Variants in IDO2 observed in about 807,000 individuals in gnomAD.
The protein encoded by IDO2 is indoleamine 2,3-dioxygenase-like 1 protein.
IDO2 carries 46 observed loss-of-function variants against 45.1 expected under a neutral mutation model. That is an observed-to-expected ratio of 1.02 (90% CI 0.80 to 1.30). The LOEUF (loss-of-function observed/expected upper bound fraction) is 1.30, where lower values mean the gene tolerates loss of function less well. Ranked by LOEUF, IDO2 falls within the 50% of genes most tolerant of loss-of-function variation. The probability of loss-of-function intolerance (pLI) is 0.00; values close to 1 mark genes in which losing one functional copy is unlikely to be tolerated. For missense variants in IDO2, 544 were observed against 491.8 expected (o/e 1.11, Z -1.00); for synonymous variants, 218 against 184.9 (o/e 1.18, Z -1.45).
chr8:39,967,023 C>A (rs550920484), intron 3 of IDO2, among the ~76,000 whole-genome samples: 3 of 152,120 alleles, frequency 2.0e-5, no homozygotes, highest in East Asian at 3.9e-4. Flanking sequence ...AATAAAAAAC[C>A]ACACACATCC....
intron 8 of IDO2, among the ~76,000 whole-genome samples, chr8:39,996,266 G>A (rs766916106): frequency 5.3e-5 from 8 of 152,154 alleles, no homozygotes; most frequent in Non-Finnish European, 1.2e-4. Context: ...CAGCGGTCAC[G>A]CTCCTAGTCC....
intron 1 of IDO2, among the ~76,000 whole-genome samples, chr8:39,939,573 G>GGAAA (rs1350834900): frequency 9.4e-6 from 1 of 106,826 alleles, no homozygotes; most frequent in African/African-American, 3.7e-5. Flanking sequence ...AAAAAAAAAA[G>GGAAA]GAAAGAAAGA....
intron 6 of IDO2, chr8:39,985,834 T>C (rs1413623035): frequency 3.8e-6 from 1 of 260,236 alleles, no homozygotes; most frequent in East Asian, 9.2e-5. Context: ...CTCCTTGAAG[T>C]TTAATTTTTT....
intron 9 of IDO2, among the ~76,000 whole-genome samples, chr8:40,011,981 C>G (rs1241072261): frequency 3.3e-5 from 5 of 152,162 alleles, no homozygotes; most frequent in Admixed American, 3.3e-4. Context: ...GATGTTGCCC[C>G]AATTGCGGAG....
At chr8:39,961,239 C>T (rs1034553584) in intron 2 of IDO2, among the ~76,000 whole-genome samples, 2 of 151,992 alleles carry the variant, frequency 1.3e-5, no homozygotes, top group African/African-American at 2.4e-5. Flanking sequence ...TTCATATTCC[C>T]TCACATGGCT....
chr8:39,971,669 A>G (rs937413320), intron 3 of IDO2, among the ~76,000 whole-genome samples: 25 of 152,220 alleles, frequency 1.6e-4, no homozygotes, highest in African/African-American at 5.5e-4. Flanking sequence ...CAAGAAGTCA[A>G]CCCTCATGGA....
intron 8 of IDO2, among the ~76,000 whole-genome samples, chr8:39,994,556 CTGAT>C (rs1802001530): frequency 6.6e-6 from 1 of 152,122 alleles, no homozygotes; most frequent in South Asian, 2.1e-4. Flanking sequence ...CGCGCCTGGA[CTGAT>C]TATTTTTTAA....
In IDO2 at chr8:39,949,241, G is replaced by C. The variant is rs369022230; in HGVS notation, c.76G>C (p.Gly26Arg). 7.7e-5 allele frequency: 123 copies of C among 1,597,882 alleles called. No homozygotes were observed. Among genetic ancestry groups the C allele is most frequent in the Non-Finnish European group, 9.6e-5 (112 of 1,171,292 alleles). The change falls in exon 2 of 11, where the codon GGC becomes CGC. Residue 26 changes from glycine to arginine, a missense_variant. Transcript: ENST00000502986. Reference sequence around the variant, plus strand: ...AAGCTATCACATATCTGAAGAGTATGGCTTTCTTCTTCCAGATTCTCTGGT... The same window carrying C: ...AAGCTATCACATATCTGAAGAGTATCGCTTTCTTCTTCCAGATTCTCTGGT...
intron 3 of IDO2, among the ~76,000 whole-genome samples, chr8:39,978,272 CG>C (rs1808291981): frequency 6.6e-6 from 1 of 152,126 alleles, no homozygotes; most frequent in Non-Finnish European, 1.5e-5. Context: ...TCTGGCGCTT[CG>C]GACCCGGGAG....
intron 8 of IDO2, among the ~76,000 whole-genome samples, chr8:40,001,181 T>C (rs1297923538): frequency 6.6e-6 from 1 of 151,354 alleles, no homozygotes; most frequent in African/African-American, 2.4e-5. Flanking sequence ...TCTCTCTCTC[T>C]CTCTCTGTGT....
chr8:40,003,832 A>G (rs1305649123), intron 8 of IDO2, among the ~76,000 whole-genome samples: 1 of 152,130 alleles, frequency 6.6e-6, no homozygotes, highest in African/African-American at 2.4e-5. Context: ...TGCTTTTACT[A>G]TTTCACTGTT....
chr8:39,967,089 A>G (rs1043004965), intron 3 of IDO2, among the ~76,000 whole-genome samples: 1 of 152,206 alleles, frequency 6.6e-6, no homozygotes, highest in Non-Finnish European at 1.5e-5. Context: ...TGCAAAAAAT[A>G]TATATAGTGA....
rs1033647769 is a variant in IDO2 at position 39,982,585 on chromosome 8, A to G, written c.316-67A>G. The G allele has an allele frequency of 4.6e-6, 5 of 1,077,806 alleles. No homozygotes were observed. The Admixed American group carries it at 9.6e-5, about 21-fold the overall frequency. The allele number at this position is 1,077,806 out of a possible 1,614,324, so 66.8% of individuals were successfully genotyped here. A position where few individuals can be genotyped will look rare whatever the true frequency, so the allele number is the denominator to read the frequency against. ...CACAGGATTGCCGAAATAAAAGACAACCATGGTTATTTCCTCTGCTGCAAG... is the reference window on the plus strand; with the variant it reads ...CACAGGATTGCCGAAATAAAAGACAGCCATGGTTATTTCCTCTGCTGCAAG... On this transcript the variant is annotated intron_variant, in intron 4 of 10. Transcript: ENST00000502986.
chr8:39,979,219 C>A (rs542026441), intron 4 of IDO2, 33 bp downstream of exon 4: 2 of 1,555,898 alleles, frequency 1.3e-6, no homozygotes, highest in Admixed American at 1.9e-5. Context: ...TCCTGTTACC[C>A]GGCAGGTTAC....
intron 7 of IDO2, 110 bp downstream of exon 7, chr8:39,988,080 G>C: frequency 1.6e-6 from 1 of 632,900 alleles, no homozygotes; most frequent in Non-Finnish European, 2.8e-6. Flanking sequence ...CATAGACCTT[G>C]TCCTGCTTAG....
chr8:39,942,856 T>C (rs1221566286), intron 1 of IDO2, among the ~76,000 whole-genome samples: 2 of 152,168 alleles, frequency 1.3e-5, no homozygotes, highest in Non-Finnish European at 2.9e-5. Context: ...TGTATAATAT[T>C]ACAGGAAATT....
At chr8:39,956,141 T>G (rs1354402540) in intron 2 of IDO2, among the ~76,000 whole-genome samples, 1 of 150,646 alleles carries the variant, frequency 6.6e-6, no homozygotes, top group Non-Finnish European at 1.5e-5. Flanking sequence ...CTCACTGCAA[T>G]CTCCACCTCC....
At position 39,998,807 on chromosome 8, in the gene IDO2, A is replaced by C. The variant is rs564884368; in HGVS notation, c.668-6520A>C. ...AGGTGCACACCACCACACCCCACTA[A>C]TTTTTTTGTATTTTTAGTAGAGACG... On this transcript the variant is annotated intron_variant, in intron 8 of 10. Coordinates refer to ENST00000502986, the Ensembl canonical transcript of IDO2. 1.9e-4 allele frequency among the ~76,000 whole-genome samples: 29 copies of C among 150,384 alleles called. No individual in the cohort carries two copies. The South Asian group carries it at 5.5e-3, about 28-fold the overall frequency.
intron 3 of IDO2, among the ~76,000 whole-genome samples, chr8:39,964,916 A>C (rs888556233): frequency 1.3e-5 from 2 of 152,250 alleles, no homozygotes; most frequent in Non-Finnish European, 2.9e-5. Context: ...AAGCAGAGGG[A>C]GATCCCCATG....
Sources: gnomAD v4.1 joint callset for allele counts (sites outside exome capture counted in the v4.1 genomes callset) on GRCh38, gnomAD v4.1.1 for gene constraint, MANE v1.5 for transcripts, NCBI Gene and HGNC (gene_info 2026-07-23, HGNC 2026-07-21) for gene names.